Variants in MED23 observed in about 807,000 individuals in gnomAD.
MED23 encodes the protein mediator of RNA polymerase II transcription subunit 23.
MED23 carries 105 observed loss-of-function variants against 163.9 expected under a neutral mutation model. The observed-to-expected ratio is 0.64, with a 90% CI of 0.55 to 0.75. The LOEUF (loss-of-function observed/expected upper bound fraction) is 0.75. Ranked by LOEUF, MED23 falls within the 30% of genes least tolerant of loss-of-function variation. MED23 has a pLI of 0.00. For missense variants in MED23, 1,054 were observed against 1,649.0 expected, an observed-to-expected ratio of 0.64 and a Z score of 6.25; for synonymous variants, 561 against 565.6, an observed-to-expected ratio of 0.99 and a Z score of 0.12.
chr6:131,615,503 CAAAAAAAAAAA>C (rs917020235), intron 10 of MED23, among the ~76,000 whole-genome samples: 16 of 14,160 alleles, frequency 1.1e-3, no homozygotes, highest in African/African-American at 3.9e-3. Flanking sequence ...AAACACACAC[CAAAAAAAAAAA>C]AAAAAAAAAA....
intron 16 of MED23, 85 bp downstream of exon 16, chr6:131,602,945 T>TAAGGTA (rs1775596282): frequency 1.5e-6 from 2 of 1,338,594 alleles, no homozygotes; most frequent in Non-Finnish European, 2.1e-6. Flanking sequence ...AAAAAAACTA[T>TAAGGTA]AAGGTAAAGG....
intron 25 of MED23, 25 bp downstream of exon 25, chr6:131,592,363 G>C (rs763543745): frequency 4.8e-5 from 77 of 1,600,866 alleles, no homozygotes; most frequent in Non-Finnish European, 5.9e-5. Flanking sequence ...TCATCACTAA[G>C]TACAAATCAC....
chr6:131,606,607 A>T lies in MED23; in HGVS notation c.1239T>A (p.Asp413Glu), dbSNP rs1255977296. The T allele has an allele frequency of 6.2e-7, 1 of 1,611,464 alleles. No homozygotes were observed. Among genetic ancestry groups the T allele is most frequent in the Non-Finnish European group, 8.5e-7 (1 of 1,177,778 alleles). Residue 413 changes from aspartate to glutamate, a missense_variant, in exon 13 of 29, where the codon GAT becomes GAA. By Grantham distance (45) the Asp-to-Glu change is conservative. This residue lies in a region of MED23 where 61 missense variants were observed against 154.2 expected (regional missense o/e 0.40). Coordinates refer to ENST00000368068, the MANE Select transcript of MED23 (RefSeq NM_004830.4). ...YPEKEYIPVP[D>E]INKPQSTHAF... ...CATGGGTTGACTGGGGTTTGTTAAT[A>T]TCAGGAACTGGGATATACTGAAAAA...
chr6:131,576,757 G>T (rs368656171), intron 30 of MED23: 5 of 1,598,058 alleles, frequency 3.1e-6, no homozygotes, highest in Non-Finnish European at 4.3e-6. Flanking sequence ...GTTGAAAAAT[G>T]ATCAGCCTGA....
rs546836944 is a variant in MED23 at position 131,620,565 on chromosome 6, T to G, written c.597+63A>C. 26 of 1,077,146 alleles carry G rather than the reference T, an allele frequency of 2.4e-5. No homozygotes were observed. In the South Asian group the frequency reaches 3.2e-4, roughly 13 times the overall value. The allele number at this position is 1,077,146 out of a possible 1,614,324, so 66.7% of individuals were successfully genotyped here. A position where few individuals can be genotyped will look rare whatever the true frequency, so the allele number is the denominator to read the frequency against. ...ATCTTCCCACCTTTGCCTCCCAAAG[T>G]GCTGTGAGCCACGAAGCCCAGCCGA... On this transcript the variant is annotated intron_variant, in intron 7 of 28. Coordinates refer to ENST00000368068, the MANE Select transcript of MED23 (RefSeq NM_004830.4).
intron 12 of MED23, among the ~76,000 whole-genome samples, chr6:131,607,353 T>C (rs1775930139): frequency 6.6e-6 from 1 of 151,976 alleles, no homozygotes; most frequent in Non-Finnish European, 1.5e-5. Context: ...AAGACCAGCC[T>C]GGCCAACACG....
rs200889740 is a variant in MED23, at chr6:131,627,502, C to T, written c.72-19G>A. On this transcript the variant is annotated intron_variant, in intron 2 of 28. Transcript: ENST00000368068. Reference sequence around the variant, plus strand: ...AAACATGCTAAAAAAATAAAAATTACATTATTTGTCATTCGTTTTAAAAAG... The same window carrying T: ...AAACATGCTAAAAAAATAAAAATTATATTATTTGTCATTCGTTTTAAAAAG... 3 of 1,603,606 alleles carry T rather than the reference C, an allele frequency of 1.9e-6. No individual in the cohort carries two copies. The highest frequency in any genetic ancestry group is 2.7e-5 in the African/African-American group (2 of 74,610).
intron 23 of MED23, 61 bp from the exon 24 acceptor site, chr6:131,593,232 T>G (rs1774781931): frequency 3.8e-6 from 6 of 1,595,188 alleles, no homozygotes; most frequent in Non-Finnish European, 5.2e-6. Flanking sequence ...TTTATCTGAT[T>G]ATGAGCTGCC....
intron 17 of MED23, among the ~76,000 whole-genome samples, chr6:131,601,978 A>C (rs182066504): frequency 9.8e-5 from 15 of 152,306 alleles, no homozygotes; most frequent in Non-Finnish European, 1.6e-4. Flanking sequence ...CAAAAAGCTT[A>C]AAGTATTACT....
chr6:131,579,588 A>G (rs1035977471), intron 30 of MED23: 4 of 259,326 alleles, frequency 1.5e-5, no homozygotes, highest in Non-Finnish European at 3.0e-5. Flanking sequence ...GGCAATTCAT[A>G]GCTTATTTGT....
chr6:131,616,032 C>G (rs1384252230), intron 9 of MED23, 30 bp from the exon 10 acceptor site: 2 of 1,523,236 alleles, frequency 1.3e-6, no homozygotes, highest in African/African-American at 2.7e-5. Flanking sequence ...ATCATTGCTT[C>G]AAGATCAATG....
At chr6:131,603,300 A>G (rs992239146) in intron 15 of MED23, 96 bp from the exon 16 acceptor site, 1 of 1,206,610 alleles carries the variant, frequency 8.3e-7, no homozygotes, top group Non-Finnish European at 1.2e-6. Context: ...TAAAGATTTG[A>G]TTGTGAAAAT....
At chr6:131,616,182 T>G (rs539140765) in intron 9 of MED23, among the ~76,000 whole-genome samples, 180 bp from the exon 10 acceptor site, 1 of 152,224 alleles carries the variant, frequency 6.6e-6, no homozygotes, top group African/African-American at 2.4e-5. Context: ...CCACCCCTCA[T>G]TTGCCTCATT....
intron 12 of MED23, among the ~76,000 whole-genome samples, chr6:131,607,224 G>C (rs964252747): frequency 1.3e-5 from 2 of 151,658 alleles, no homozygotes; most frequent in African/African-American, 2.4e-5. Flanking sequence ...AGTGCATGGT[G>C]GGGTTACAGC....
chr6:131,593,305 T>TTTGACATGATTGAAATGTATTAAAAGC (rs1774790251), intron 23 of MED23, 134 bp from the exon 24 acceptor site: 1 of 1,061,598 alleles, frequency 9.4e-7, no homozygotes, highest in African/African-American at 1.6e-5. Context: ...TACAAATGAG[T>TTTGACATGATTGAAATGTATTAAAAGC]TTGACATGAT....
intron 5 of MED23, among the ~76,000 whole-genome samples, chr6:131,622,665 A>T (rs1777194455): frequency 6.6e-6 from 1 of 152,286 alleles, no homozygotes; most frequent in Non-Finnish European, 1.5e-5. Flanking sequence ...GAGTAAAGAG[A>T]AAATAATTAG....
downstream of MED23, chr6:131,583,863 G>T (rs370831108): frequency 1.9e-6 from 3 of 1,613,962 alleles, no homozygotes; most frequent in African/African-American, 2.7e-5. Context: ...GACTTGCTCG[G>T]GAGGGTAATC....
In MED23 at chr6:131,594,343, G is replaced by GA. The variant is rs377674199; in HGVS notation, c.2996-9dup. The GA allele has an allele frequency of 1.3e-6, 2 of 1,589,820 alleles. No homozygotes were observed. The highest frequency in any genetic ancestry group is 1.7e-5 in the Admixed American group (1 of 59,944). The stretch of plus-strand genomic sequence containing the variant: ...GATAAGTCACTGGACGATCTGCCAA[G>GA]AAAAAAACATACCACCACAATGTTT... On this transcript the variant is annotated splice_polypyrimidine_tract_variant and intron_variant, in intron 22 of 28. Transcript: ENST00000368068.
At chr6:131,590,809 G>T (rs1475244917) in intron 26 of MED23, among the ~76,000 whole-genome samples, 1 of 151,904 alleles carries the variant, frequency 6.6e-6, no homozygotes, top group East Asian at 1.9e-4. Context: ...AGTAGAGACG[G>T]GGTTTCACCA....
Sources: allele counts gnomAD v4.1 joint callset (sites outside exome capture counted in the v4.1 genomes callset), GRCh38; gene constraint gnomAD v4.1.1; regional missense constraint gnomAD v4.1.1; transcripts MANE v1.5; gene names NCBI Gene and HGNC (gene_info 2026-07-23, HGNC 2026-07-21).